EXOC4: variants seen among roughly 807,000 people sequenced by gnomAD.
EXOC4 encodes the protein exocyst complex component 4, also known as SEC8-like 1.
In EXOC4, 71 loss-of-function variants were observed where a neutral mutation model predicts 107.2. The observed-to-expected ratio is 0.66, with a 90% confidence interval of 0.55 to 0.81. EXOC4 has a LOEUF of 0.81. Ranked by LOEUF, EXOC4 falls within the 30% of genes least tolerant of loss-of-function variation. The pLI is 0.00. For missense variants in EXOC4, 1,108 were observed against 1,189.6 expected (o/e 0.93, Z 1.01); for synonymous variants, 456 against 441.2 (o/e 1.03, Z -0.42).
At chr7:133,755,274 T>A (rs13310644) in intron 10 of EXOC4, among the ~76,000 whole-genome samples, 1 of 100,128 alleles carries the variant, frequency 1.0e-5, no homozygotes, top group Non-Finnish European at 2.0e-5. Context: ...TTATATATAT[T>A]ATATATATTA....
At chr7:133,916,588 T>C (rs1420310589) in intron 12 of EXOC4, among the ~76,000 whole-genome samples, 1 of 152,170 alleles carries the variant, frequency 6.6e-6, no homozygotes, top group Non-Finnish European at 1.5e-5. Flanking sequence ...TCTTCTTTTG[T>C]CTACAAACAT....
At chr7:133,858,233 G>T (rs1798460305) in intron 11 of EXOC4, among the ~76,000 whole-genome samples, 1 of 152,200 alleles carries the variant, frequency 6.6e-6, no homozygotes, top group African/African-American at 2.4e-5. Flanking sequence ...GGTAAGCAAG[G>T]CAGGGAAGAG....
intron 9 of EXOC4, among the ~76,000 whole-genome samples, chr7:133,492,261 A>G (rs1258928767): frequency 1.3e-5 from 2 of 152,190 alleles, no homozygotes; most frequent in African/African-American, 2.4e-5. Context: ...TGGAGGTACA[A>G]TCAGTTGGAC....
chr7:133,363,621 A>AAC (rs1306557456), intron 6 of EXOC4, among the ~76,000 whole-genome samples: 64 of 151,342 alleles, frequency 4.2e-4, no homozygotes, highest in African/African-American at 1.5e-3. Flanking sequence ...AAAAAAAAAA[A>AAC]AAAAAAAACC....
intron 7 of EXOC4, among the ~76,000 whole-genome samples, chr7:133,463,830 G>A (rs1430796682): frequency 6.6e-6 from 1 of 152,088 alleles, no homozygotes; most frequent in Admixed American, 6.6e-5. Flanking sequence ...TAACTTTGAG[G>A]AGATGATGAA....
intron 10 of EXOC4, among the ~76,000 whole-genome samples, chr7:133,753,496 C>A (rs1795835899): frequency 6.6e-6 from 1 of 152,140 alleles, no homozygotes; most frequent in Admixed American, 6.6e-5. Flanking sequence ...ATGTAAATAT[C>A]TAATAGGCAC....
At chr7:133,558,196 CTTTTCTTTT>C in intron 9 of EXOC4, among the ~76,000 whole-genome samples, 1 of 101,244 alleles carries the variant, frequency 9.9e-6, no homozygotes, top group South Asian at 3.3e-4. Flanking sequence ...CTTCTCTTTT[CTTTTCTTTT>C]CTTTTCTTTT....
chr7:133,452,959 A>G lies in EXOC4; in HGVS notation c.1183-22369A>G, dbSNP rs539906193. ...GTTGTTCATTAATCTCCTTTCCCTT[A>G]TGTAAAGTCTCCTTTTGTCCTCCCT... On this transcript the variant is annotated intron_variant, in intron 7 of 17. Coordinates refer to ENST00000253861, the MANE Select transcript of EXOC4 (RefSeq NM_021807.4). Among the ~76,000 whole-genome samples the G allele has an allele frequency of 3.9e-4, 59 of 151,980 alleles. No individual in the cohort carries two copies. The Middle Eastern group carries it at 0.014, about 35-fold the overall frequency.
At chr7:133,824,238 G>T (rs1797644556) in intron 11 of EXOC4, among the ~76,000 whole-genome samples, 1 of 151,784 alleles carries the variant, frequency 6.6e-6, no homozygotes, top group African/African-American at 2.4e-5. Context: ...CTGTGAGCAG[G>T]TCTCTGCGTT....
At chr7:133,982,447 G>A (rs1470388076) in intron 14 of EXOC4, among the ~76,000 whole-genome samples, 1 of 152,112 alleles carries the variant, frequency 6.6e-6, no homozygotes, top group African/African-American at 2.4e-5. Flanking sequence ...AGCTACTCGG[G>A]AGGCTGAGGC....
rs150385542 is a variant in EXOC4, at chr7:133,254,181, A to G, written c.86+994A>G. On this transcript the variant is annotated intron_variant, in intron 1 of 17. Transcript: ENST00000253861. ...AGGTACTAAGCACTTCAATGAATGC[A>G]TGTATCAAACCATTAGAACAGCTTA... 1.3e-3 allele frequency among the ~76,000 whole-genome samples: 194 copies of G among 152,346 alleles called. 2 individuals carry two copies. Among genetic ancestry groups the G allele is most frequent in the African/African-American group, 4.4e-3 (185 of 41,574 alleles).
At chr7:133,620,163 CA>C (rs1802295848) in intron 9 of EXOC4, among the ~76,000 whole-genome samples, 1 of 152,104 alleles carries the variant, frequency 6.6e-6, no homozygotes, top group Non-Finnish European at 1.5e-5. Flanking sequence ...GCTGGGACCA[CA>C]AGCGTGCATC....
chr7:133,757,668 A>G lies in EXOC4; in HGVS notation c.1515-59657A>G, dbSNP rs542511670. Among the ~76,000 whole-genome samples, 5 of 152,316 alleles carry G rather than the reference A, an allele frequency of 3.3e-5. No homozygotes were observed. In the South Asian group the frequency reaches 8.3e-4, roughly 25 times the overall value. ...AATACTGCAGGACTGGATAAAGACAAGGTATTCGTATATCTGGATTCACCT... is the reference window on the plus strand; with the variant it reads ...AATACTGCAGGACTGGATAAAGACAGGGTATTCGTATATCTGGATTCACCT... On this transcript the variant is annotated intron_variant, in intron 10 of 17. Transcript: ENST00000253861.
chr7:133,697,445 A>G (rs1337430199), intron 10 of EXOC4, among the ~76,000 whole-genome samples: 1 of 152,230 alleles, frequency 6.6e-6, no homozygotes, highest in East Asian at 1.9e-4. Context: ...TAAAACTTAC[A>G]GAAAGCCACA....
At chr7:133,992,768 T>A (rs966522547) in intron 14 of EXOC4, among the ~76,000 whole-genome samples, 1 of 149,878 alleles carries the variant, frequency 6.7e-6, no homozygotes, top group Non-Finnish European at 1.5e-5. Flanking sequence ...CTAATTGCTC[T>A]GGCTAGGATT....
intron 4 of EXOC4, among the ~76,000 whole-genome samples, chr7:133,314,817 C>G (rs1309143485): frequency 6.6e-6 from 1 of 152,160 alleles, no homozygotes; most frequent in African/African-American, 2.4e-5. Context: ...AATTCCTCCA[C>G]TTTGTTCTAG....
intron 17 of EXOC4, among the ~76,000 whole-genome samples, chr7:134,049,706 ACT>A (rs1332210728): frequency 2.0e-5 from 3 of 152,174 alleles, no homozygotes; most frequent in Admixed American, 2.0e-4. Flanking sequence ...TTCACACCAG[ACT>A]CTGCATCGCC....
At chr7:133,991,455 C>T (rs1471664416) in intron 14 of EXOC4, among the ~76,000 whole-genome samples, 3 of 151,912 alleles carry the variant, frequency 2.0e-5, no homozygotes, top group East Asian at 1.9e-4. Flanking sequence ...TTTGGCTTGG[C>T]GTAATCCCAT....
intron 10 of EXOC4, among the ~76,000 whole-genome samples, chr7:133,757,200 A>C (rs1795937186): frequency 6.6e-6 from 1 of 152,184 alleles, no homozygotes; most frequent in South Asian, 2.1e-4. Context: ...TCCTACTTTA[A>C]AATGCGATTA....
Sources: gnomAD v4.1 joint callset for allele counts (sites outside exome capture counted in the v4.1 genomes callset) on GRCh38, gnomAD v4.1.1 for gene constraint, MANE v1.5 for transcripts, NCBI Gene and HGNC (gene_info 2026-07-23, HGNC 2026-07-21) for gene names.